The following STAG1 variants were observed in gnomAD, a reference collection of about 807,000 sequenced individuals.
The protein encoded by STAG1 is STAG1 cohesin complex component, also known as cohesin subunit SA-1.
A neutral mutation model predicts 170.9 loss-of-function variants in STAG1; 26 were observed. The ratio of observed to expected loss-of-function variants is 0.15; its 90% confidence interval spans 0.11 to 0.21. STAG1 has a LOEUF of 0.21. Among genes scored for constraint, STAG1 ranks in the 10% least tolerant of loss-of-function variants. STAG1 has a pLI of 1.00. For missense variants in STAG1, 964 were observed against 1,509.5 expected, an observed-to-expected ratio of 0.64 and a Z score of 5.99; for synonymous variants, 514 against 497.7, an observed-to-expected ratio of 1.03 and a Z score of -0.44.
At chr3:136,600,407 T>C (rs1938610627) in intron 4 of STAG1, among the ~76,000 whole-genome samples, 1 of 152,248 alleles carries the variant, frequency 6.6e-6, no homozygotes. Context: ...AACTCCTGGC[T>C]ATAAAGCATA....
At chr3:136,363,554 T>TAAA in intron 25 of STAG1, 87 bp from the exon 26 acceptor site, 1 of 329,802 alleles carries the variant, frequency 3.0e-6, no homozygotes, top group Non-Finnish European at 5.0e-6. Flanking sequence ...CCTTTGAAAA[T>TAAA]GAAAAAAAAA....
At chr3:136,713,775 C>A (rs190950776) in intron 1 of STAG1, among the ~76,000 whole-genome samples, 4 of 152,078 alleles carry the variant, frequency 2.6e-5, no homozygotes, top group African/African-American at 7.2e-5. Flanking sequence ...TTAATCCCAG[C>A]GCTTTGGGAG....
rs57299539 is a variant in STAG1, at chr3:136,551,428, A to ATTTT, written c.395-9237_395-9234dup. On this transcript the variant is annotated intron_variant, in intron 5 of 33. Coordinates refer to ENST00000383202, the MANE Select transcript of STAG1 (RefSeq NM_005862.3). ...AGGCAGGCATCAATACATCTGGCTA[A>ATTTT]TTTTTTTTTTTTTTTGGCAGGGGGA... Among the ~76,000 whole-genome samples the ATTTT allele has an allele frequency of 3.5e-4, 41 of 117,478 alleles. 10 individuals are homozygous for ATTTT. Among genetic ancestry groups the ATTTT allele is most frequent in the Admixed American group, 5.8e-4 (6 of 10,282 alleles). The allele number at this position is 117,478 out of a possible 152,430, so 77.1% of individuals were successfully genotyped here.
chr3:136,643,214 G>T (rs1388907432), intron 1 of STAG1, among the ~76,000 whole-genome samples: 4 of 152,180 alleles, frequency 2.6e-5, no homozygotes. Flanking sequence ...ACTTATTCAA[G>T]ATCATTTTAA....
chr3:136,680,073 TAC>T (rs1942283024), intron 1 of STAG1, among the ~76,000 whole-genome samples: 1 of 151,726 alleles, frequency 6.6e-6, no homozygotes, highest in Non-Finnish European at 1.5e-5. Flanking sequence ...AATAATAAAC[TAC>T]AGTCTGGCCA....
intron 4 of STAG1, chr3:136,586,911 A>C (rs1304473089): frequency 2.2e-6 from 1 of 456,656 alleles, no homozygotes; most frequent in Non-Finnish European, 4.4e-6. Context: ...AAGTGAATGC[A>C]AACAACATGA....
chr3:136,462,832 T>A (rs1220418170), intron 13 of STAG1, among the ~76,000 whole-genome samples: 2 of 152,128 alleles, frequency 1.3e-5, no homozygotes, highest in African/African-American at 4.8e-5. Flanking sequence ...AGCCAATATT[T>A]CAAACATAGA....
chr3:136,742,944 G>T (rs1198095672), intron 1 of STAG1, among the ~76,000 whole-genome samples: 1 of 152,086 alleles, frequency 6.6e-6, no homozygotes, highest in Admixed American at 6.5e-5. Context: ...TAAAAGGCTG[G>T]AAAGAAAGCA....
intron 22 of STAG1, among the ~76,000 whole-genome samples, chr3:136,382,503 A>C (rs1938029569): frequency 6.6e-6 from 1 of 151,580 alleles, no homozygotes; most frequent in Non-Finnish European, 1.5e-5. Flanking sequence ...CCTGGGTTCA[A>C]GCGATTCTCC....
At chr3:136,359,354 T>G in intron 26 of STAG1, 58 bp from the exon 27 acceptor site, 1 of 1,290,542 alleles carries the variant, frequency 7.7e-7, no homozygotes, top group Non-Finnish European at 1.1e-6. Context: ...AACAGTTATT[T>G]TCAGAATAGG....
intron 5 of STAG1, among the ~76,000 whole-genome samples, chr3:136,546,566 G>A (rs1038266004): frequency 7.9e-5 from 12 of 152,060 alleles, no homozygotes; most frequent in Non-Finnish European, 1.8e-4. Flanking sequence ...ACCTTTCATC[G>A]CATGGTATGG....
chr3:136,438,638 C>T (rs1048872500), intron 15 of STAG1, among the ~76,000 whole-genome samples: 1 of 151,960 alleles, frequency 6.6e-6, no homozygotes, highest in Non-Finnish European at 1.5e-5. Flanking sequence ...CTTATTAACT[C>T]TTGAAATTAT....
intron 7 of STAG1, among the ~76,000 whole-genome samples, chr3:136,510,498 C>G (rs1237576951): frequency 6.6e-6 from 1 of 151,986 alleles, no homozygotes; most frequent in East Asian, 1.9e-4. Context: ...CCATGTTGGC[C>G]AGGCTGGTCT....
intron 5 of STAG1, among the ~76,000 whole-genome samples, chr3:136,556,035 T>C (rs1315359599): frequency 1.3e-5 from 2 of 152,130 alleles, no homozygotes; most frequent in Middle Eastern, 3.2e-3. Flanking sequence ...CCAAGTTGAA[T>C]TCGTTCTAGG....
At chr3:136,465,514 C>A (rs551079017) in intron 12 of STAG1, among the ~76,000 whole-genome samples, 3 of 128,244 alleles carry the variant, frequency 2.3e-5, no homozygotes, top group African/African-American at 8.7e-5. Context: ...AGTCACTGTG[C>A]CTGGCCGCCT....
chr3:136,461,950 C>T (rs905174428), intron 13 of STAG1, among the ~76,000 whole-genome samples: 1 of 152,026 alleles, frequency 6.6e-6, no homozygotes, highest in Non-Finnish European at 1.5e-5. Flanking sequence ...AAAAAGTGCT[C>T]TCATTATTTA....
At position 136,409,461 on chromosome 3, in the gene STAG1, C is replaced by T. The variant is rs145267243; in HGVS notation, c.2196+8424G>A. On this transcript the variant is annotated intron_variant, in intron 21 of 33. Transcript: ENST00000383202. ...AAGAGATCCTCCCATCTTAGCCTCCCGAGTAGCTGGGATTACAGGAGCACG... is the reference window on the plus strand; with the variant it reads ...AAGAGATCCTCCCATCTTAGCCTCCTGAGTAGCTGGGATTACAGGAGCACG... Among the ~76,000 whole-genome samples, 1,023 of 151,976 alleles carry T rather than the reference C, an allele frequency of 6.7e-3. 13 individuals are homozygous for T. The highest frequency in any genetic ancestry group is 5.8e-3 in the Non-Finnish European group (391 of 67,978).
intron 1 of STAG1, among the ~76,000 whole-genome samples, chr3:136,708,420 G>C (rs1943286916): frequency 6.6e-6 from 1 of 151,838 alleles, no homozygotes; most frequent in African/African-American, 2.4e-5. Flanking sequence ...CAAATCCATA[G>C]AGATAGAAAG....
intron 5 of STAG1, among the ~76,000 whole-genome samples, chr3:136,544,737 C>T (rs913120336): frequency 2.7e-5 from 4 of 147,362 alleles, no homozygotes; most frequent in Non-Finnish European, 4.5e-5. Context: ...TGTACTCCAG[C>T]CTGGATGACA....
Sources: allele counts gnomAD v4.1 joint callset (sites outside exome capture counted in the v4.1 genomes callset), GRCh38; gene constraint gnomAD v4.1.1; transcripts MANE v1.5; gene names NCBI Gene and HGNC (gene_info 2026-07-23, HGNC 2026-07-21).